Variants in GRHL3 observed in about 807,000 individuals in gnomAD.
GRHL3 encodes the protein grainyhead-like protein 3 homolog.
Under a neutral mutation model 70.3 loss-of-function variants are expected in GRHL3, and 20 were observed. That is an observed-to-expected ratio of 0.28 (90% CI 0.20 to 0.41). GRHL3 has a LOEUF of 0.41. Ranked by LOEUF, GRHL3 falls within the 10% of genes least tolerant of loss-of-function variation. The pLI is 1.00. For missense variants in GRHL3, 637 were observed against 762.3 expected (o/e 0.84, Z 1.94); for synonymous variants, 299 against 299.9 (o/e 1.00, Z 0.03).
Position 24,346,636 on chromosome 1 carries a change from A to G in GRHL3, c.1538A>G (p.Gln513Arg), listed in dbSNP as rs764808943. The change falls in exon 13 of 16, where the codon CAG becomes CGG. Residue 513 changes from glutamine (Q) to arginine (R), a missense_variant. Gln to Arg is a conservative substitution (Grantham distance 43). Around this residue, in one of 2 missense-constraint regions of GRHL3, gnomAD observed 387 missense variants for 513.8 expected, o/e 0.75. Coordinates refer to ENST00000361548, the MANE Select transcript of GRHL3 (RefSeq NM_198173.3). Reference sequence around the variant, plus strand: ...AAGCAGGCCAAGGAAGGCGACCTTCAGAGAGGTGACCTCCCGCCCTCCTCA... The same window carrying G: ...AAGCAGGCCAAGGAAGGCGACCTTCGGAGAGGTGACCTCCCGCCCTCCTCA... ...PSKQAKEGDL[Q>R]RVLLYVRRET... 12 of 1,610,940 alleles carry G rather than the reference A, an allele frequency of 7.4e-6. No homozygotes were observed. The highest frequency in any genetic ancestry group is 1.1e-5 in the South Asian group (1 of 90,940).
Position 24,347,566 on chromosome 1 carries a change from T to C in GRHL3, c.1629+13T>C. On this transcript the variant is annotated intron_variant, in intron 14 of 15. Transcript: ENST00000361548. ...GCTGAGGAATGCGGTAAGCTGCCTG[T>C]GGACCCCGCCCCCCATGGCAGACCC... 1 of 1,604,480 alleles carries C rather than the reference T, an allele frequency of 6.2e-7. No individual in the cohort carries two copies. Among genetic ancestry groups the C allele is most frequent in the Non-Finnish European group, 8.5e-7 (1 of 1,171,272 alleles).
downstream of GRHL3, among the ~76,000 whole-genome samples, chr1:24,356,400 C>T (rs751459105): frequency 6.5e-4 from 98 of 151,936 alleles, no homozygotes; most frequent in Non-Finnish European, 1.1e-3. Context: ...CCACCATGCC[C>T]GGCTAATTTT....
At chr1:24,359,813 C>T (rs867637169), downstream of GRHL3, among the ~76,000 whole-genome samples, 6 of 152,216 alleles carry the variant, frequency 3.9e-5, no homozygotes, top group Middle Eastern at 3.2e-3. This position sits in a 1 kb window ranked among gnomAD's most constrained non-coding sequence, Gnocchi z 5.3. Flanking sequence ...ATAGCGAAAG[C>T]GCTCTATAGA....
intron 2 of GRHL3, among the ~76,000 whole-genome samples, chr1:24,332,556 A>G (rs1639651109): frequency 6.6e-6 from 1 of 152,196 alleles, no homozygotes; most frequent in South Asian, 2.1e-4. Flanking sequence ...TTGTCAATGT[A>G]GTAATCCAGG....
downstream of GRHL3, among the ~76,000 whole-genome samples, chr1:24,358,913 A>G (rs1640904306): frequency 6.6e-6 from 1 of 152,232 alleles, no homozygotes; most frequent in Non-Finnish European, 1.5e-5. Flanking sequence ...GTAAAGCAAT[A>G]TTCTTAAAGA....
In GRHL3 at chr1:24,360,865, C is replaced by A. The variant is rs560627804; in HGVS notation, c.1695-3320C>A. The A allele has an allele frequency of 4.9e-5, 79 of 1,612,494 alleles. No homozygotes were observed. Among genetic ancestry groups the A allele is most frequent in the Admixed American group, 8.4e-5 (5 of 59,792 alleles). On this transcript the variant is annotated intron_variant, in intron 15 of 15. Coordinates refer to the GRHL3 transcript ENST00000350501. ...AATCCTCTGACCTGGGCCAGGCAGG[C>A]CTGGCTGAGGCGGCGCCGCTGTCCA...
At position 24,336,780 on chromosome 1, in the gene GRHL3, A is replaced by G. The variant is rs1426674885; in HGVS notation, c.565A>G (p.Thr189Ala). ...LFESIHGVPP[T>A]QRWQPDSTFK... is the part of the protein sequence containing the mutation. The stretch of plus-strand genomic sequence containing the variant: ...TGAGAGCATTCATGGGGTGCCGCCC[A>G]CACAGCGCTGGCAGCCAGACAGCAC... The change falls in exon 4 of 16, where the codon ACA (threonine) becomes GCA (alanine). Residue 189 changes from threonine to alanine, a missense_variant. Coordinates refer to ENST00000361548, the MANE Select transcript of GRHL3 (RefSeq NM_198173.3). 6.2e-7 allele frequency: 1 copy of G among 1,612,768 alleles called. No homozygotes were observed. The highest frequency in any genetic ancestry group is 8.5e-7 in the Non-Finnish European group (1 of 1,179,276).
intron 1 of GRHL3, among the ~76,000 whole-genome samples, chr1:24,331,097 T>C (rs1209513655): frequency 6.6e-6 from 1 of 152,246 alleles, no homozygotes; most frequent in Non-Finnish European, 1.5e-5. Flanking sequence ...TCCCATTCAT[T>C]ACACGAATTC....
intron 1 of GRHL3, among the ~76,000 whole-genome samples, chr1:24,323,302 C>T (rs995494041): frequency 6.6e-6 from 1 of 152,170 alleles, no homozygotes; most frequent in African/African-American, 2.4e-5. Context: ...TGCAAATTCT[C>T]AGCCCCACCC....
chr1:24,343,315 C>G (rs943441912), intron 11 of GRHL3: 2 of 384,662 alleles, frequency 5.2e-6, no homozygotes, highest in African/African-American at 4.0e-5. Flanking sequence ...TTGATTGCAG[C>G]CCCATGGAAT....
intron 11 of GRHL3, among the ~76,000 whole-genome samples, chr1:24,344,009 C>G (rs1460486368): frequency 6.6e-6 from 1 of 152,204 alleles, no homozygotes; most frequent in African/African-American, 2.4e-5. Context: ...TGAACCTGTT[C>G]TCTCTTGGCT....
Position 24,343,706 on chromosome 1 carries a change from G to T in GRHL3, c.1419+681G>T, listed in dbSNP as rs139065160. 4.2e-3 allele frequency among the ~76,000 whole-genome samples: 640 copies of T among 152,216 alleles called. 2 individuals carry two copies. The highest frequency in any genetic ancestry group is 0.014 in the African/African-American group (575 of 41,524). ...GGTCCCACAACAATTCAATGGCAGG[G>T]TCAAGACCCCAGAGCCTGTCTCCTA... is the stretch of plus-strand genomic sequence containing the variant. On this transcript the variant is annotated intron_variant, in intron 11 of 15. Transcript: ENST00000361548.
intron 15 of GRHL3, chr1:24,364,156 C>A: frequency 1.4e-6 from 2 of 1,477,758 alleles, no homozygotes; most frequent in South Asian, 1.4e-5. Context: ...AACTCGAATT[C>A]AATTCTTGAC....
chr1:24,331,365 T>G, intron 1 of GRHL3, 61 bp from the exon 2 acceptor site: 1 of 1,464,246 alleles, frequency 6.8e-7, no homozygotes, highest in Non-Finnish European at 9.3e-7. Context: ...GGCCTGCGGC[T>G]GCCCATTCAC....
intron 12 of GRHL3, among the ~76,000 whole-genome samples, chr1:24,345,524 C>G (rs1640244778): frequency 6.6e-6 from 1 of 151,806 alleles, no homozygotes; most frequent in Non-Finnish European, 1.5e-5. Flanking sequence ...CGGCGAATCT[C>G]TGGCGAGACA....
intron 1 of GRHL3, 116 bp from the exon 2 acceptor site, chr1:24,331,310 C>G (rs1422556286): frequency 2.2e-6 from 2 of 901,724 alleles, no homozygotes; most frequent in Non-Finnish European, 3.4e-6. Context: ...GCAGAAGAGG[C>G]AGTTTCATGT....
At chr1:24,343,316 C>T (rs1039065176) in intron 11 of GRHL3, 1 of 384,138 alleles carries the variant, frequency 2.6e-6, no homozygotes, top group Non-Finnish European at 4.8e-6. Flanking sequence ...TGATTGCAGC[C>T]CCATGGAATT....
intron 7 of GRHL3, 50 bp downstream of exon 7, chr1:24,338,153 C>T (rs1191052837): frequency 7.9e-7 from 1 of 1,259,556 alleles, no homozygotes; most frequent in Non-Finnish European, 1.1e-6. Context: ...TCTCCCCACC[C>T]CCGCATCAAT....
downstream of GRHL3, chr1:24,357,144 T>C (rs1355665805): frequency 6.7e-6 from 1 of 149,578 alleles, no homozygotes; most frequent in African/African-American, 2.4e-5. Context: ...CGGGTTCCCA[T>C]TAGGCTTGCC....
Sources: allele counts gnomAD v4.1 joint callset (sites outside exome capture counted in the v4.1 genomes callset), GRCh38; gene constraint gnomAD v4.1.1; regional missense constraint gnomAD v4.1.1; non-coding constraint Gnocchi (gnomAD v3.1); transcripts MANE v1.5; gene names NCBI Gene and HGNC (gene_info 2026-07-23, HGNC 2026-07-21).